The following ETFA variants were observed in gnomAD, a reference collection of about 807,000 sequenced individuals.
ETFA encodes the protein electron transfer flavoprotein subunit alpha, mitochondrial.
A neutral mutation model predicts 46.2 loss-of-function variants in ETFA; 22 were observed. That is an observed-to-expected ratio of 0.48 (90% CI 0.34 to 0.68). ETFA has a LOEUF of 0.68. Among genes scored for constraint, ETFA ranks in the 30% least tolerant of loss-of-function variants. The probability of loss-of-function intolerance (pLI) is 0.01; values close to 1 mark genes in which losing one functional copy is unlikely to be tolerated. For missense variants in ETFA, 345 were observed against 401.1 expected (o/e 0.86, Z 1.19); for synonymous variants, 131 against 139.9 (o/e 0.94, Z 0.45).
At chr15:76,301,724 A>G (rs1254006786) in intron 1 of ETFA, among the ~76,000 whole-genome samples, 1 of 132,582 alleles carries the variant, frequency 7.5e-6, no homozygotes, top group African/African-American at 2.8e-5. Context: ...ACAAAACAAA[A>G]CAAAACAAAC....
At chr15:76,292,353 C>A (rs965960148) in intron 4 of ETFA, 78 bp downstream of exon 4, 1 of 977,620 alleles carries the variant, frequency 1.0e-6, no homozygotes, top group Non-Finnish European at 1.7e-6. Flanking sequence ...CATAAACAGT[C>A]TGTTGCATAC....
At chr15:76,226,760 T>G (rs1459091636) in intron 10 of ETFA, among the ~76,000 whole-genome samples, 1 of 151,866 alleles carries the variant, frequency 6.6e-6, no homozygotes, top group Non-Finnish European at 1.5e-5. Context: ...GCATCTGTAG[T>G]CCAAGCTACT....
intron 10 of ETFA, 174 bp from the exon 11 acceptor site, chr15:76,226,103 A>C: frequency 1.7e-6 from 1 of 592,622 alleles, no homozygotes; most frequent in East Asian, 2.9e-5. Context: ...GGAATGTAAT[A>C]AAATTCTCTC....
chr15:76,239,748 T>C (rs889778821), intron 9 of ETFA, among the ~76,000 whole-genome samples: 1 of 146,404 alleles, frequency 6.8e-6, no homozygotes, highest in Non-Finnish European at 1.5e-5. Flanking sequence ...TAAAACAAGA[T>C]GAGACCTGGT....
At chr15:76,259,164 C>T (rs1013138940) in intron 9 of ETFA, 7 of 1,510,304 alleles carry the variant, frequency 4.6e-6, no homozygotes, top group Non-Finnish European at 5.5e-6. Flanking sequence ...ACTGCCATCC[C>T]CAGATCCACT....
At chr15:76,255,236 T>C (rs1192011750) in intron 9 of ETFA, among the ~76,000 whole-genome samples, 1 of 152,240 alleles carries the variant, frequency 6.6e-6, no homozygotes, top group Non-Finnish European at 1.5e-5. Context: ...GCTAATAATT[T>C]ACCTTACTCT....
chr15:76,293,172 C>T (rs2141540967), intron 2 of ETFA, among the ~76,000 whole-genome samples: 1 of 152,212 alleles, frequency 6.6e-6, no homozygotes, highest in East Asian at 1.9e-4. Flanking sequence ...AAATACATTC[C>T]TTAACAAAGA....
intron 9 of ETFA, among the ~76,000 whole-genome samples, chr15:76,263,256 T>C (rs1330240963): frequency 3.3e-5 from 5 of 152,184 alleles, no homozygotes; most frequent in Admixed American, 6.5e-5. Context: ...TTTCATCTTT[T>C]CTCATTCCTT....
intron 8 of ETFA, among the ~76,000 whole-genome samples, chr15:76,280,812 T>C (rs1197037932): frequency 1.3e-5 from 2 of 152,142 alleles, no homozygotes; most frequent in African/African-American, 2.4e-5. Flanking sequence ...GTTCCTGCGT[T>C]AGACAGGCTC....
chr15:76,295,933 A>ATTTTTTTT (rs1555459250), intron 1 of ETFA, among the ~76,000 whole-genome samples, 196 bp from the exon 2 acceptor site: 3 of 58,506 alleles, frequency 5.1e-5, no homozygotes, highest in Non-Finnish European at 1.2e-4. Flanking sequence ...TACCACTAAT[A>ATTTTTTTT]TTCTTTTTTT....
At chr15:76,253,042 T>C (rs933700488) in intron 9 of ETFA, among the ~76,000 whole-genome samples, 1 of 152,056 alleles carries the variant, frequency 6.6e-6, no homozygotes, top group African/African-American at 2.4e-5. Context: ...GTCTCCTGAA[T>C]AGCCGGGACT....
intron 10 of ETFA, chr15:76,226,263 T>C (rs895462375): frequency 1.2e-5 from 3 of 249,356 alleles, no homozygotes; most frequent in African/African-American, 7.0e-5. Flanking sequence ...GTGCAAATTA[T>C]TTTGTCCTTC....
At chr15:76,242,067 C>T (rs1681353284) in intron 9 of ETFA, among the ~76,000 whole-genome samples, 3 of 152,026 alleles carry the variant, frequency 2.0e-5, no homozygotes, top group Non-Finnish European at 4.4e-5. Flanking sequence ...GATCTCTTGA[C>T]CTCGGGATCC....
At chr15:76,243,006 C>T (rs557249883) in intron 9 of ETFA, among the ~76,000 whole-genome samples, 2 of 152,150 alleles carry the variant, frequency 1.3e-5, no homozygotes, top group African/African-American at 2.4e-5. Context: ...ACTTAAAAAT[C>T]GTTAAAACAA....
intron 9 of ETFA, among the ~76,000 whole-genome samples, chr15:76,262,975 C>T (rs148307765): frequency 2.6e-5 from 4 of 152,282 alleles, no homozygotes; most frequent in African/African-American, 9.6e-5. Context: ...TGTGTCAGGA[C>T]GGCCCCGGTA....
chr15:76,248,808 T>C (rs1027291839), intron 9 of ETFA, among the ~76,000 whole-genome samples: 1 of 151,196 alleles, frequency 6.6e-6, no homozygotes, highest in Non-Finnish European at 1.5e-5. Context: ...ACCCAGGAGG[T>C]AGAGGCTGCA....
intron 1 of ETFA, among the ~76,000 whole-genome samples, chr15:76,302,735 T>C (rs1047957174): frequency 6.6e-6 from 1 of 152,230 alleles, no homozygotes; most frequent in Non-Finnish European, 1.5e-5. Flanking sequence ...ACTCTGGTGC[T>C]GTATGTTGAC....
chr15:76,302,122 T>C (rs1242563907), intron 1 of ETFA, among the ~76,000 whole-genome samples: 1 of 152,216 alleles, frequency 6.6e-6, no homozygotes, highest in Non-Finnish European at 1.5e-5. Flanking sequence ...GGAAGACAGT[T>C]TGGCAGTTGC....
At chr15:76,231,249 T>C (rs1325723435) in intron 10 of ETFA, 84 bp downstream of exon 10, 6 of 855,990 alleles carry the variant, frequency 7.0e-6, no homozygotes, top group Admixed American at 1.7e-5. Context: ...ACTACATGCA[T>C]TGTAACTACA....
Sources: allele counts gnomAD v4.1 joint callset (sites outside exome capture counted in the v4.1 genomes callset), GRCh38; gene constraint gnomAD v4.1.1; transcripts MANE v1.5; gene names NCBI Gene and HGNC (gene_info 2026-07-23, HGNC 2026-07-21).